The following FAT3 variants were observed in gnomAD, a reference collection of about 807,000 sequenced individuals.
FAT3 encodes the protein protocadherin Fat 3.
In FAT3, 95 loss-of-function variants were observed where a neutral mutation model predicts 310.2. That is an observed-to-expected ratio of 0.31 (90% CI 0.26 to 0.36). The LOEUF (loss-of-function observed/expected upper bound fraction) is 0.36. Ranked by LOEUF, FAT3 falls within the 10% of genes least tolerant of loss-of-function variation. The probability of loss-of-function intolerance (pLI) is 1.00; values close to 1 mark genes in which losing one functional copy is unlikely to be tolerated. For missense variants in FAT3, 5,408 were observed against 5,715.6 expected (o/e 0.95, Z 1.74); for synonymous variants, 2,314 against 2,192.9 (o/e 1.06, Z -1.54).
chr11:92,350,509 A>G (rs1273818224), intron 1 of FAT3, among the ~76,000 whole-genome samples: 1 of 152,146 alleles, frequency 6.6e-6, no homozygotes, highest in Non-Finnish European at 1.5e-5. Flanking sequence ...TATGTCATAT[A>G]TGCTTCTAGG....
chr11:92,771,068 G>T (rs777684440), intron 6 of FAT3, among the ~76,000 whole-genome samples: 1 of 152,002 alleles, frequency 6.6e-6, no homozygotes. Flanking sequence ...CATCTCTGCC[G>T]CACACCCCTG....
intron 2 of FAT3, among the ~76,000 whole-genome samples, chr11:92,516,771 G>T (rs1450448493): frequency 6.6e-6 from 1 of 152,154 alleles, no homozygotes; most frequent in Non-Finnish European, 1.5e-5. Context: ...TCCTTAAGCT[G>T]ATAAGCAACT....
rs55895838 is a variant in FAT3 at position 92,863,285 on chromosome 11, G to T, written c.11659-3456G>T. On this transcript the variant is annotated intron_variant, in intron 21 of 27. Transcript: ENST00000525166. ...GTTTTTAAAACATCCCCTTTTCAAA[G>T]AATATTGAATAATCCTCTTACAAGT... is the stretch of plus-strand genomic sequence containing the variant. Among the ~76,000 whole-genome samples, 725 of 152,154 alleles carry T rather than the reference G, an allele frequency of 4.8e-3. 6 individuals are homozygous for T. Among genetic ancestry groups the T allele is most frequent in the Admixed American group, 0.011 (167 of 15,286 alleles).
intron 3 of FAT3, among the ~76,000 whole-genome samples, chr11:92,530,502 C>G (rs2135381498): frequency 6.6e-6 from 1 of 152,198 alleles, no homozygotes; most frequent in East Asian, 1.9e-4. Context: ...CTTATACTTT[C>G]TCTTTTATCA....
intron 3 of FAT3, among the ~76,000 whole-genome samples, chr11:92,533,519 T>TTGC (rs1954149312): frequency 6.6e-6 from 1 of 152,160 alleles, no homozygotes; most frequent in Non-Finnish European, 1.5e-5. Context: ...GTTAACAGGA[T>TTGC]TGTTACTTGG....
At chr11:92,680,595 T>G (rs1943454241) in intron 3 of FAT3, among the ~76,000 whole-genome samples, 1 of 152,226 alleles carries the variant, frequency 6.6e-6, no homozygotes, top group Non-Finnish European at 1.5e-5. Flanking sequence ...TTTGGGGATC[T>G]TTGTTGGTTC....
intron 9 of FAT3, among the ~76,000 whole-genome samples, chr11:92,795,859 G>A (rs186600341): frequency 6.8e-4 from 104 of 152,152 alleles, no homozygotes; most frequent in Admixed American, 2.1e-3. Context: ...AGTGAGCCAA[G>A]ATTGCACCAC....
intron 3 of FAT3, among the ~76,000 whole-genome samples, chr11:92,665,530 G>A (rs1348329110): frequency 2.0e-5 from 3 of 152,148 alleles, no homozygotes; most frequent in Non-Finnish European, 2.9e-5. Context: ...TTCTTCTAGA[G>A]TTTTTGTAAC....
chr11:92,349,146 G>A (rs1463491510), intron 1 of FAT3, among the ~76,000 whole-genome samples: 3 of 152,114 alleles, frequency 2.0e-5, no homozygotes, highest in Non-Finnish European at 4.4e-5. Flanking sequence ...ACTGTTACAG[G>A]AAGTCTTCTC....
intron 22 of FAT3, among the ~76,000 whole-genome samples, chr11:92,878,344 G>T (rs1440500963): frequency 6.6e-6 from 1 of 152,022 alleles, no homozygotes; most frequent in African/African-American, 2.4e-5. Context: ...TCATACCCAA[G>T]TGAGACTCAC....
At chr11:92,250,467 C>G (rs1247588649) in intron 1 of FAT3, among the ~76,000 whole-genome samples, 2 of 152,098 alleles carry the variant, frequency 1.3e-5, no homozygotes, top group Non-Finnish European at 2.9e-5. Flanking sequence ...TCTTAAATAA[C>G]AAGTCAGTCA....
At chr11:92,482,241 A>T (rs953264785) in intron 2 of FAT3, among the ~76,000 whole-genome samples, 1 of 152,160 alleles carries the variant, frequency 6.6e-6, no homozygotes, top group African/African-American at 2.4e-5. Flanking sequence ...CATTATTACA[A>T]TGAATAGTCT....
intron 7 of FAT3, among the ~76,000 whole-genome samples, chr11:92,781,915 A>C (rs570463690): frequency 6.6e-6 from 1 of 152,222 alleles, no homozygotes; most frequent in East Asian, 1.9e-4. Flanking sequence ...AGAGACAGCC[A>C]TGTCCAAATT....
intron 3 of FAT3, among the ~76,000 whole-genome samples, chr11:92,557,178 C>T (rs1282719412): frequency 1.3e-5 from 2 of 151,956 alleles, no homozygotes; most frequent in East Asian, 1.9e-4. Context: ...TAACTTGGTT[C>T]GGATTTTATG....
intron 1 of FAT3, among the ~76,000 whole-genome samples, chr11:92,327,579 T>C (rs1253805167): frequency 6.6e-6 from 1 of 152,258 alleles, no homozygotes; most frequent in African/African-American, 2.4e-5. Context: ...TCCAGGATTA[T>C]AAGACAGTGG....
At chr11:92,722,591 G>C (rs1944894221) in intron 4 of FAT3, among the ~76,000 whole-genome samples, 1 of 152,214 alleles carries the variant, frequency 6.6e-6, no homozygotes, top group Non-Finnish European at 1.5e-5. Context: ...ACTGTGTGGT[G>C]GCTCTGACCT....
At chr11:92,685,539 C>G (rs899184589) in intron 3 of FAT3, among the ~76,000 whole-genome samples, 5 of 151,132 alleles carry the variant, frequency 3.3e-5, no homozygotes, top group African/African-American at 1.2e-4. Context: ...TGTGCACACG[C>G]GTACATACAC....
chr11:92,589,600 A>C (rs775394239), intron 3 of FAT3, among the ~76,000 whole-genome samples: 3 of 152,064 alleles, frequency 2.0e-5, no homozygotes, highest in Non-Finnish European at 4.4e-5. Flanking sequence ...TCACTTGCTC[A>C]GCAAAGTGGA....
chr11:92,637,437 A>G (rs1175284447), intron 3 of FAT3, among the ~76,000 whole-genome samples: 2 of 152,200 alleles, frequency 1.3e-5, no homozygotes, highest in Admixed American at 6.5e-5. Flanking sequence ...CAAAATAAAG[A>G]CAATGTAAAC....
Sources: allele counts gnomAD v4.1 joint callset (sites outside exome capture counted in the v4.1 genomes callset), GRCh38; gene constraint gnomAD v4.1.1; transcripts MANE v1.5; gene names NCBI Gene and HGNC (gene_info 2026-07-23, HGNC 2026-07-21).